ZFPM2: variants seen among roughly 807,000 people sequenced by gnomAD.
ZFPM2 encodes the protein zinc finger protein ZFPM2.
A neutral mutation model predicts 98.6 loss-of-function variants in ZFPM2; 20 were observed. That is an observed-to-expected ratio of 0.20 (90% CI 0.14 to 0.29). The LOEUF is 0.29. ZFPM2 is among the 10% of genes least tolerant of loss of function. The probability of loss-of-function intolerance (pLI) is 1.00; values close to 1 mark genes in which losing one functional copy is unlikely to be tolerated. For missense variants in ZFPM2, 1,310 were observed against 1,388.6 expected (o/e 0.94, Z 0.90); for synonymous variants, 518 against 502.7 (o/e 1.03, Z -0.41).
chr8:105,770,622 G>C (rs1194061117), intron 5 of ZFPM2, among the ~76,000 whole-genome samples: 1 of 151,874 alleles, frequency 6.6e-6, no homozygotes, highest in Non-Finnish European at 1.5e-5. Flanking sequence ...AACCTTAGAG[G>C]GCACATTATT....
chr8:105,504,974 T>C (rs1382977506), intron 3 of ZFPM2, among the ~76,000 whole-genome samples: 1 of 152,178 alleles, frequency 6.6e-6, no homozygotes, highest in East Asian at 1.9e-4. Flanking sequence ...ACCAGTTTTT[T>C]TCTGAAACAA....
At chr8:105,790,863 A>T (rs1384631529) in intron 6 of ZFPM2, among the ~76,000 whole-genome samples, 2 of 152,226 alleles carry the variant, frequency 1.3e-5, no homozygotes, top group East Asian at 3.9e-4. Flanking sequence ...GCAATTGTGA[A>T]TGGGAGTTCA....
intron 5 of ZFPM2, among the ~76,000 whole-genome samples, chr8:105,689,682 A>G (rs186047225): frequency 3.3e-5 from 5 of 152,080 alleles, no homozygotes; most frequent in African/African-American, 4.8e-5. Flanking sequence ...AGCAGTGGTG[A>G]TGATGATGAT....
At chr8:105,631,314 T>A (rs569154540) in intron 4 of ZFPM2, among the ~76,000 whole-genome samples, 115 of 152,322 alleles carry the variant, frequency 7.5e-4, no homozygotes, top group African/African-American at 2.7e-3. Context: ...TATTACGTTC[T>A]TTCCATTTAT....
chr8:105,338,504 T>A (rs542678274), intron 1 of ZFPM2, among the ~76,000 whole-genome samples: 1 of 151,998 alleles, frequency 6.6e-6, no homozygotes. Context: ...ATTTAAAATA[T>A]AGTAATGGGT....
chr8:105,597,695 A>C (rs1810866213), intron 4 of ZFPM2, among the ~76,000 whole-genome samples: 2 of 152,132 alleles, frequency 1.3e-5, no homozygotes, highest in Admixed American at 6.6e-5. Context: ...AATAAAAAGG[A>C]TAGCATAACA....
At chr8:105,345,921 T>C (rs1193236040) in intron 1 of ZFPM2, among the ~76,000 whole-genome samples, 1 of 152,216 alleles carries the variant, frequency 6.6e-6, no homozygotes, top group African/African-American at 2.4e-5. Flanking sequence ...ATACAATGTT[T>C]CTAAATATTA....
chr8:105,629,218 C>T (rs1049435199), intron 4 of ZFPM2, among the ~76,000 whole-genome samples: 9 of 152,180 alleles, frequency 5.9e-5, no homozygotes, highest in South Asian at 2.1e-4. Context: ...CATACTTGTT[C>T]GCTCATGTGC....
At chr8:105,498,222 A>C (rs892635319) in intron 3 of ZFPM2, among the ~76,000 whole-genome samples, 1 of 152,098 alleles carries the variant, frequency 6.6e-6, no homozygotes, top group Non-Finnish European at 1.5e-5. Context: ...ACAATAAAAA[A>C]TCCAACAATT....
intron 5 of ZFPM2, among the ~76,000 whole-genome samples, chr8:105,692,200 A>G (rs1043544820): frequency 2.6e-5 from 4 of 152,334 alleles, no homozygotes; most frequent in South Asian, 2.1e-4. Context: ...TTTAATTTGT[A>G]TACTGCTAGT....
At chr8:105,405,936 C>T (rs1811447793) in intron 1 of ZFPM2, among the ~76,000 whole-genome samples, 1 of 152,120 alleles carries the variant, frequency 6.6e-6, no homozygotes, top group South Asian at 2.1e-4. Context: ...TCCTCTCCAG[C>T]ACCTGTTGTT....
In ZFPM2 at chr8:105,380,644, AT is replaced by A. The variant is rs1563630795; in HGVS notation, c.41-38498del. On this transcript the variant is annotated intron_variant, in intron 1 of 7. Coordinates refer to ENST00000407775, the MANE Select transcript of ZFPM2 (RefSeq NM_012082.4). The stretch of plus-strand genomic sequence containing the variant: ...TATATAACATATATATTATATATAT[AT>A]TATATATATATATTATATATAACAT... Among the ~76,000 whole-genome samples, 71 of 28,712 alleles carry A rather than the reference AT, an allele frequency of 2.5e-3. 3 individuals are homozygous for A. The highest frequency in any genetic ancestry group is 7.0e-3 in the South Asian group (8 of 1,142). The allele number at this position is 28,712 out of a possible 152,430, so 18.8% of individuals were successfully genotyped here.
rs550764797 is a variant in ZFPM2, at chr8:105,410,892, G to A, written c.41-8252G>A. Among the ~76,000 whole-genome samples the A allele has an allele frequency of 2.0e-5, 3 of 151,634 alleles. No individual in the cohort carries two copies. The South Asian group carries it at 6.2e-4, about 32-fold the overall frequency. On this transcript the variant is annotated intron_variant, in intron 1 of 7. Transcript: ENST00000407775. ...CTACATTCATGCTTTTGATGTTTTT[G>A]TTGTGGTAGCATTTCTCACTTTGGG...
intron 1 of ZFPM2, among the ~76,000 whole-genome samples, chr8:105,348,479 C>G (rs1812581091): frequency 6.6e-6 from 1 of 152,066 alleles, no homozygotes; most frequent in Admixed American, 6.6e-5. Flanking sequence ...GCTGTAAAAT[C>G]AAAGTGAAAG....
intron 1 of ZFPM2, among the ~76,000 whole-genome samples, chr8:105,400,131 G>C (rs1811308229): frequency 1.3e-5 from 2 of 151,828 alleles, no homozygotes; most frequent in Non-Finnish European, 2.9e-5. Flanking sequence ...ATTGCTTCGT[G>C]ATTCTTTCAT....
At chr8:105,505,299 G>A (rs1201891491) in intron 3 of ZFPM2, among the ~76,000 whole-genome samples, 1 of 152,024 alleles carries the variant, frequency 6.6e-6, no homozygotes, top group African/African-American at 2.4e-5. Context: ...AGTAGTAATA[G>A]TATTAATAGC....
At chr8:105,329,095 T>A (rs1017200097) in intron 1 of ZFPM2, among the ~76,000 whole-genome samples, 1 of 151,858 alleles carries the variant, frequency 6.6e-6, no homozygotes, top group Non-Finnish European at 1.5e-5. Context: ...CTGGGTCAGA[T>A]GATAAGATGA....
At chr8:105,699,263 T>A (rs1563526824) in intron 5 of ZFPM2, among the ~76,000 whole-genome samples, 1 of 152,166 alleles carries the variant, frequency 6.6e-6, no homozygotes, top group Non-Finnish European at 1.5e-5. Flanking sequence ...ACTAAAATGG[T>A]ATTTCTCTCC....
intron 7 of ZFPM2, 132 bp from the exon 8 acceptor site, chr8:105,800,915 A>T (rs1352193739): frequency 1.2e-6 from 1 of 805,880 alleles, no homozygotes; most frequent in African/African-American, 1.7e-5. Context: ...GAAAACAGTT[A>T]ATATCACGAA....
Sources: gnomAD v4.1 joint callset for allele counts (sites outside exome capture counted in the v4.1 genomes callset) on GRCh38, gnomAD v4.1.1 for gene constraint, MANE v1.5 for transcripts, NCBI Gene and HGNC (gene_info 2026-07-23, HGNC 2026-07-21) for gene names.